Variants in KCNH1 observed in about 807,000 individuals in gnomAD.
KCNH1 encodes potassium voltage-gated channel subfamily H member 1.
A neutral mutation model predicts 69.2 loss-of-function variants in KCNH1; 27 were observed. That is an observed-to-expected ratio of 0.39 (90% confidence interval 0.29 to 0.54). KCNH1 has a LOEUF of 0.54. KCNH1 is among the 20% of genes least tolerant of loss of function. The probability of loss-of-function intolerance (pLI) is 0.68; values close to 1 mark genes in which losing one functional copy is unlikely to be tolerated. For synonymous variants in KCNH1, 456 were observed against 487.7 expected (o/e 0.93, Z 0.86); for missense variants, 798 against 1,261.6 (o/e 0.63, Z 5.57).
chr1:211,011,678 G>A (rs557043811), intron 6 of KCNH1, among the ~76,000 whole-genome samples: 169 of 152,210 alleles, frequency 1.1e-3, no homozygotes, highest in African/African-American at 3.9e-3. Context: ...AAGCCAGGCA[G>A]GATCGACTTC....
chr1:211,061,124 A>G (rs903288539), intron 5 of KCNH1, among the ~76,000 whole-genome samples: 2 of 152,190 alleles, frequency 1.3e-5, no homozygotes, highest in African/African-American at 4.8e-5. Flanking sequence ...ACCAAGAGAG[A>G]TTTATGCCAG....
At chr1:210,849,941 T>A (rs111360091) in intron 7 of KCNH1, among the ~76,000 whole-genome samples, 1 of 88,768 alleles carries the variant, frequency 1.1e-5, no homozygotes, top group East Asian at 3.0e-4. Context: ...TTTTAAAAAA[T>A]AAATAAATAA....
chr1:211,128,240 G>A (rs1691816068), intron 1 of KCNH1, among the ~76,000 whole-genome samples: 1 of 142,944 alleles, frequency 7.0e-6, no homozygotes, highest in Non-Finnish European at 1.5e-5. Flanking sequence ...AGTGAGCCGA[G>A]ATCGCGCCAC....
chr1:211,060,379 C>T (rs35829564), intron 5 of KCNH1, among the ~76,000 whole-genome samples: 30,206 of 113,304 alleles, frequency 0.27, 3,723 homozygotes, highest in Middle Eastern at 0.37. Flanking sequence ...CCAGCCTGGG[C>T]GACAGAGCGA....
chr1:211,075,401 A>G (rs573174861), intron 5 of KCNH1, among the ~76,000 whole-genome samples: 1 of 152,334 alleles, frequency 6.6e-6, no homozygotes, highest in African/African-American at 2.4e-5. Flanking sequence ...TCATGTTGGT[A>G]GTGTCTCCAC....
chr1:210,865,849 G>A (rs1232408627), intron 7 of KCNH1, among the ~76,000 whole-genome samples: 3 of 152,096 alleles, frequency 2.0e-5, no homozygotes, highest in Non-Finnish European at 2.9e-5. Flanking sequence ...CCTAGATTGT[G>A]GGGCAAAGCA....
At position 210,935,872 on chromosome 1, in the gene KCNH1, T is replaced by C. The variant is rs189119426; in HGVS notation, c.1033-15803A>G. 3.0e-3 allele frequency among the ~76,000 whole-genome samples: 455 copies of C among 152,352 alleles called. 2 individuals are homozygous for C. Among genetic ancestry groups the C allele is most frequent in the Non-Finnish European group, 5.4e-3 (369 of 68,036 alleles). On this transcript the variant is annotated intron_variant, in intron 6 of 10. Coordinates refer to ENST00000271751, the MANE Select transcript of KCNH1 (RefSeq NM_172362.3). ...TTGTAGTTATACTGATGCAATTCAA[T>C]TGAAATGGACATTTAGCAATTAATA...
chr1:210,769,532 T>C (rs1441606375), intron 10 of KCNH1, among the ~76,000 whole-genome samples: 2 of 152,146 alleles, frequency 1.3e-5, no homozygotes, highest in African/African-American at 4.8e-5. Flanking sequence ...AACAAATTAA[T>C]ATAAACAAAC....
At chr1:210,927,069 A>C (rs1051870652) in intron 6 of KCNH1, among the ~76,000 whole-genome samples, 1 of 152,260 alleles carries the variant, frequency 6.6e-6, no homozygotes, top group Non-Finnish European at 1.5e-5. Context: ...ATTTGGGTTT[A>C]TGTTAAACAT....
rs1408027538 is a variant in KCNH1, at chr1:210,831,630, TC to T, written c.1463-27465del. 3.9e-5 allele frequency among the ~76,000 whole-genome samples: 6 copies of T among 152,254 alleles called. No homozygotes were observed. In the East Asian group the frequency reaches 1.2e-3, roughly 29 times the overall value. ...GCTGCAGAAATCATCTCCTCATACT[TC>T]CTCCTACAGCATTCCTAATAGGGTA... On this transcript the variant is annotated intron_variant, in intron 7 of 10. Coordinates refer to ENST00000271751, the MANE Select transcript of KCNH1 (RefSeq NM_172362.3).
chr1:211,008,608 T>G (rs1441260303), intron 6 of KCNH1, among the ~76,000 whole-genome samples: 2 of 152,224 alleles, frequency 1.3e-5, no homozygotes, highest in East Asian at 3.8e-4. Flanking sequence ...ACTTCAAGAA[T>G]AGGTAAAACT....
chr1:210,735,709 A>C (rs544310852), intron 10 of KCNH1, among the ~76,000 whole-genome samples: 8 of 151,964 alleles, frequency 5.3e-5, no homozygotes, highest in African/African-American at 1.7e-4. Flanking sequence ...AATCTATACC[A>C]TTCTTTCCCC....
Position 211,107,373 on chromosome 1 carries a change from A to G in KCNH1, c.84T>C (p.Thr28=), listed in dbSNP as rs769927903. The G allele has an allele frequency of 6.4e-7, 1 of 1,564,224 alleles. No homozygotes were observed. Residue 28 remains threonine, a synonymous_variant, in exon 2 of 11, where the codon ACT becomes ACC. Transcript: ENST00000271751. ...LENIVRRSND[T]NFVLGNAQIV... Reference sequence around the variant, plus strand: ...TCTGAGCATTCCCCAACACAAAATTAGTATCTGTTAAAAAAAAAAAAAAGG... The same window carrying G: ...TCTGAGCATTCCCCAACACAAAATTGGTATCTGTTAAAAAAAAAAAAAAGG...
chr1:210,803,847 A>G lies in KCNH1; in HGVS notation c.1662+120T>C, dbSNP rs1402424733. 12 of 842,228 alleles carry G rather than the reference A, an allele frequency of 1.4e-5. No individual in the cohort carries two copies. The East Asian group carries it at 2.9e-4, about 21-fold the overall frequency. 52.2% of individuals were successfully genotyped at this position (842,228 alleles called of 1,614,324 possible). On this transcript the variant is annotated intron_variant, in intron 8 of 10. Transcript: ENST00000271751. ...CTCTGGAGGTAGGACCTGGAATCCCAAAGTACTCAAGTGAATTCTGAGCAC... is the reference window on the plus strand; with the variant it reads ...CTCTGGAGGTAGGACCTGGAATCCCGAAGTACTCAAGTGAATTCTGAGCAC...
intron 7 of KCNH1, among the ~76,000 whole-genome samples, chr1:210,882,099 G>A (rs1057274214): frequency 6.6e-6 from 1 of 152,182 alleles, no homozygotes; most frequent in African/African-American, 2.4e-5. Flanking sequence ...GGGGGATATT[G>A]ATAATGGTGG....
chr1:210,683,269 T>A lies in KCNH1; in HGVS notation c.*12A>T, dbSNP rs1681316122. 4 of 1,606,640 alleles carry A rather than the reference T, an allele frequency of 2.5e-6. No homozygotes were observed. Among genetic ancestry groups the A allele is most frequent in the Middle Eastern group, 1.7e-4 (1 of 6,020 alleles). On this transcript the variant is annotated 3_prime_UTR_variant, in exon 11 of 11. Coordinates refer to ENST00000271751, the MANE Select transcript of KCNH1 (RefSeq NM_172362.3). This position sits in a 1 kb window ranked among gnomAD's most constrained non-coding sequence, Gnocchi z 5.7. ...AGGTATCTGTCTCTGACTTTTTTTT[T>A]AAATAGACCTCTCAGCTGGCTCCAA...
At chr1:210,890,543 T>G (rs369392901) in intron 7 of KCNH1, among the ~76,000 whole-genome samples, 1 of 151,820 alleles carries the variant, frequency 6.6e-6, no homozygotes, top group Non-Finnish European at 1.5e-5. Context: ...AATTGACAAA[T>G]GGGATCTAAT....
rs1241900691 is a variant in KCNH1, at chr1:210,851,341, T to C, written c.1463-47175A>G. 2.6e-5 allele frequency among the ~76,000 whole-genome samples: 4 copies of C among 152,346 alleles called. No individual in the cohort carries two copies. The East Asian group carries it at 5.8e-4, about 22-fold the overall frequency. ...AACTATTACAGCCAAAATAACCTAC[T>C]TCTATCATCCCAACAGTGTGGTAGG... On this transcript the variant is annotated intron_variant, in intron 7 of 10. Transcript: ENST00000271751.
At chr1:210,802,349 A>G (rs1462733548) in intron 8 of KCNH1, among the ~76,000 whole-genome samples, 1 of 152,204 alleles carries the variant, frequency 6.6e-6, no homozygotes, top group African/African-American at 2.4e-5. Context: ...AAGCCAGTTG[A>G]ATTTGGTTTG....
Sources: allele counts gnomAD v4.1 joint callset (sites outside exome capture counted in the v4.1 genomes callset), GRCh38; gene constraint gnomAD v4.1.1; non-coding constraint Gnocchi (gnomAD v3.1); transcripts MANE v1.5; gene names NCBI Gene and HGNC (gene_info 2026-07-23, HGNC 2026-07-21).